Variants in DNAJC2 observed in about 807,000 individuals in gnomAD.
DNAJC2 encodes DnaJ heat shock protein family (Hsp40) member C2.
DNAJC2 carries 32 observed loss-of-function variants against 94.0 expected under a neutral mutation model. That is an observed-to-expected ratio of 0.34 (90% confidence interval 0.26 to 0.46). The LOEUF (loss-of-function observed/expected upper bound fraction) is 0.46. Among genes scored for constraint, DNAJC2 ranks in the 20% least tolerant of loss-of-function variants. The probability of loss-of-function intolerance (pLI) is 1.00; values close to 1 mark genes in which losing one functional copy is unlikely to be tolerated. For synonymous variants in DNAJC2, 210 were observed against 229.7 expected (o/e 0.91, Z 0.77); for missense variants, 550 against 719.5 (o/e 0.76, Z 2.69).
intron 15 of DNAJC2, chr7:103,314,644 GTTAC>G (rs1314055088): frequency 1.0e-6 from 1 of 985,232 alleles, no homozygotes; most frequent in Non-Finnish European, 1.2e-6. Context: ...ACCCTGCCTT[GTTAC>G]TTACCTTTAT....
intron 1 of DNAJC2, 150 bp downstream of exon 1, chr7:103,344,409 C>G: frequency 2.5e-6 from 2 of 789,814 alleles, no homozygotes; most frequent in African/African-American, 1.7e-5. Flanking sequence ...TACTTTAAAA[C>G]ACGGAGCAAA....
chr7:103,325,388 G>T (rs552889501), intron 5 of DNAJC2, among the ~76,000 whole-genome samples: 14 of 151,730 alleles, frequency 9.2e-5, no homozygotes, highest in African/African-American at 3.4e-4. Flanking sequence ...GGTGAGCCGA[G>T]ATTGTGCCAC....
intron 9 of DNAJC2, among the ~76,000 whole-genome samples, 166 bp from the exon 10 acceptor site, chr7:103,322,247 T>C (rs987104945): frequency 3.9e-5 from 6 of 152,166 alleles, no homozygotes; most frequent in Admixed American, 6.5e-5. Context: ...TAAAGATCTA[T>C]AAACATTTAT....
In DNAJC2 at chr7:103,312,598, C is replaced by G. The variant is rs753625490; in HGVS notation, c.1837G>C (p.Val613Leu). The G allele has an allele frequency of 6.2e-7, 1 of 1,613,582 alleles. No homozygotes were observed. The highest frequency in any genetic ancestry group is 2.2e-5 in the East Asian group (1 of 44,826). The change falls in exon 17 of 17, where the codon GTG becomes CTG. Residue 613 changes from valine to leucine, a missense_variant. Coordinates refer to ENST00000379263, the MANE Select transcript of DNAJC2 (RefSeq NM_014377.3). ...TTCTTGGCTCTACTTGCATTCAGCA[C>G]TTGTTCTTGAGCAGCTTTCTTTGCT... ...VKAKKAAQEQVLNASRAKK is the reference protein window; with the variant it reads ...VKAKKAAQEQLLNASRAKK
intron 6 of DNAJC2, 137 bp from the exon 7 acceptor site, chr7:103,323,800 T>C (rs1818553967): frequency 3.0e-6 from 2 of 660,448 alleles, no homozygotes; most frequent in South Asian, 3.2e-5. Context: ...GTCTTTCTCC[T>C]TTTTTAAGGA....
intron 10 of DNAJC2, among the ~76,000 whole-genome samples, chr7:103,320,381 C>A (rs918196772): frequency 1.1e-4 from 16 of 152,056 alleles, no homozygotes; most frequent in African/African-American, 3.4e-4. Context: ...CCACCGCGCC[C>A]GGCTGTTTTT....
intron 2 of DNAJC2, among the ~76,000 whole-genome samples, chr7:103,341,059 G>A (rs977098921): frequency 2.0e-5 from 3 of 152,118 alleles, no homozygotes; most frequent in Admixed American, 1.3e-4. Context: ...GGTCACCAAA[G>A]CCTGTTAATG....
chr7:103,344,706 C>A lies in DNAJC2; in HGVS notation c.-84G>T. 7.1e-7 allele frequency: 1 copy of A among 1,418,212 alleles called. No homozygotes were observed. The highest frequency in any genetic ancestry group is 9.8e-7 in the Non-Finnish European group (1 of 1,020,362). 87.9% of individuals were successfully genotyped at this position (1,418,212 alleles called of 1,614,324 possible). On this transcript the variant is annotated 5_prime_UTR_variant, in exon 1 of 17. An upstream open reading frame in the 5' UTR gains an earlier in-frame stop. Transcript: ENST00000379263. ...TAGGGTCCCCTCCAGCTCTACCTCT[C>A]ACTCCGAGCCTCGCGCCTTGGCTCT...
chr7:103,330,748 C>A lies in DNAJC2; in HGVS notation c.332-2994G>T, dbSNP rs150809761. ...TACAGGTGTGAGCTATCACACCCAG[C>A]TCTTTTTTTTTTTTGTAGGGGAGGG... On this transcript the variant is annotated intron_variant, in intron 3 of 16. Transcript: ENST00000379263. Among the ~76,000 whole-genome samples the A allele has an allele frequency of 4.1e-3, 568 of 139,416 alleles. 4 individuals carry two copies. Among genetic ancestry groups the A allele is most frequent in the African/African-American group, 0.017 (559 of 32,338 alleles). 91.5% of individuals were successfully genotyped at this position (139,416 alleles called of 152,430 possible).
chr7:103,313,822 G>A (rs1346480953), intron 15 of DNAJC2: 3 of 985,196 alleles, frequency 3.0e-6, no homozygotes, highest in Non-Finnish European at 2.4e-6. Flanking sequence ...CAGTCCACTT[G>A]TGTAGGTAAA....
At chr7:103,317,947 A>G (rs1309263772) in intron 12 of DNAJC2, among the ~76,000 whole-genome samples, 1 of 85,546 alleles carries the variant, frequency 1.2e-5, no homozygotes, top group Non-Finnish European at 2.3e-5. Context: ...CACCACGCTC[A>G]TAGTGCAGAT....
intron 2 of DNAJC2, among the ~76,000 whole-genome samples, chr7:103,338,042 G>T (rs1204412881): frequency 1.3e-5 from 2 of 152,128 alleles, no homozygotes; most frequent in African/African-American, 4.8e-5. Context: ...CCAGGTGGAG[G>T]ATTGCTTGAG....
chr7:103,344,526 G>A (rs770235324), intron 1 of DNAJC2, 33 bp downstream of exon 1: 4 of 1,612,778 alleles, frequency 2.5e-6, no homozygotes, highest in Non-Finnish European at 3.4e-6. Flanking sequence ...GGCAGCTGAG[G>A]TGAGAAGGAA....
At position 103,317,161 on chromosome 7, in the gene DNAJC2, C is replaced by A; in HGVS notation, c.1243-147G>T. 4 of 689,450 alleles carry A rather than the reference C, an allele frequency of 5.8e-6. No homozygotes were observed. In the South Asian group the frequency reaches 6.0e-5, roughly 10 times the overall value. 42.7% of individuals were successfully genotyped at this position (689,450 alleles called of 1,614,324 possible). ...CCTCTCAGGCCAACCCAAAAAGAAG[C>A]ACCAGCTTTTCACTCTGGCTTCCAG... On this transcript the variant is annotated intron_variant, in intron 12 of 16. Coordinates refer to ENST00000379263, the MANE Select transcript of DNAJC2 (RefSeq NM_014377.3).
chr7:103,341,539 C>A (rs114079591), intron 2 of DNAJC2, among the ~76,000 whole-genome samples: 1 of 152,150 alleles, frequency 6.6e-6, no homozygotes, highest in African/African-American at 2.4e-5. Flanking sequence ...CTTTTAAGAC[C>A]GGTGCAAACA....
chr7:103,312,633 TCGA>T lies in DNAJC2; in HGVS notation c.1799_1801del (p.Val600del). The T allele has an allele frequency of 6.2e-7, 1 of 1,613,306 alleles. No homozygotes were observed. Among genetic ancestry groups the T allele is most frequent in the Non-Finnish European group, 8.5e-7 (1 of 1,179,764 alleles). On this transcript the variant is annotated inframe_deletion, in exon 17 of 17. Transcript: ENST00000379263. ...AGCAGCTTTCTTTGCTTTTACCATC[TCGA>T]CAAGTTCCTAGGAAGGGAGAAAGGT...
At chr7:103,314,416 A>G in intron 15 of DNAJC2, 1 of 985,418 alleles carries the variant, frequency 1.0e-6, no homozygotes, top group Non-Finnish European at 1.2e-6. Context: ...AGTCATACCC[A>G]CATAGCACTA....
At position 103,341,859 on chromosome 7, in the gene DNAJC2, C is replaced by T. The variant is rs770525647; in HGVS notation, c.160G>A (p.Glu54Lys). Residue 54 changes from glutamate to lysine, a missense_variant, in exon 2 of 17, where the codon GAG becomes AAG. Physicochemically the swap from Glu to Lys is moderately conservative, Grantham distance 56. Around this residue, in one of 2 missense-constraint regions of DNAJC2, gnomAD observed 279 missense variants for 416.9 expected, o/e 0.67. Coordinates refer to ENST00000379263, the MANE Select transcript of DNAJC2 (RefSeq NM_014377.3). ...TCCTCGGATAACTCTTTCTTATCCT[C>T]CAGTTCCTGAAAAGAGGCAGAAGCA... ...RNASASFQELEDKKELSEESE... is the reference protein window; with the variant it reads ...RNASASFQELKDKKELSEESE... 4 of 1,613,114 alleles carry T rather than the reference C, an allele frequency of 2.5e-6. No individual in the cohort carries two copies. The highest frequency in any genetic ancestry group is 1.1e-5 in the South Asian group (1 of 90,814).
At chr7:103,313,385 C>T (rs948095120) in intron 15 of DNAJC2, 2 of 1,101,478 alleles carry the variant, frequency 1.8e-6, no homozygotes, top group Non-Finnish European at 1.1e-6. Context: ...AATACACTCA[C>T]CAGACTGGTA....
Sources: gnomAD v4.1 joint callset for allele counts (sites outside exome capture counted in the v4.1 genomes callset) on GRCh38, gnomAD v4.1.1 for gene constraint, gnomAD v4.1.1 regional missense constraint, MANE v1.5 for transcripts, NCBI Gene and HGNC (gene_info 2026-07-23, HGNC 2026-07-21) for gene names.